Variants in KIF6 observed in about 807,000 individuals in gnomAD.
The protein encoded by KIF6 is kinesin-like protein KIF6.
A neutral mutation model predicts 112.7 loss-of-function variants in KIF6; 106 were observed. The ratio of observed to expected loss-of-function variants is 0.94; its 90% confidence interval spans 0.80 to 1.11. The LOEUF is 1.11. Among genes scored for constraint, KIF6 ranks in the 50% least tolerant of loss-of-function variants. The probability of loss-of-function intolerance (pLI) is 0.00; values close to 1 mark genes in which losing one functional copy is unlikely to be tolerated. For missense variants in KIF6, 929 were observed against 964.0 expected (o/e 0.96, Z 0.48); for synonymous variants, 339 against 339.9 (o/e 1.00, Z 0.03).
chr6:39,543,150 A>G (rs966888440), intron 12 of KIF6, among the ~76,000 whole-genome samples: 3 of 152,298 alleles, frequency 2.0e-5, no homozygotes, highest in African/African-American at 7.2e-5. Flanking sequence ...ATGCACAGAC[A>G]TTCATAAGCC....
rs192445749 is a variant in KIF6, at chr6:39,681,475, T to A, written c.251+33217A>T. ...GAGAATACTATTTACCTTAATGTTT[T>A]AAAAAAAAACTCTAGAATCTTTTCT... is the stretch of plus-strand genomic sequence containing the variant. On this transcript the variant is annotated intron_variant, in intron 3 of 22. Coordinates refer to ENST00000287152, the MANE Select transcript of KIF6 (RefSeq NM_145027.6). 1.6e-3 allele frequency among the ~76,000 whole-genome samples: 236 copies of A among 151,704 alleles called. 1 individual carries two copies. Among genetic ancestry groups the A allele is most frequent in the Non-Finnish European group, 2.5e-3 (168 of 67,818 alleles).
chr6:39,719,298 G>A (rs373256644), intron 2 of KIF6, among the ~76,000 whole-genome samples: 20 of 151,692 alleles, frequency 1.3e-4, no homozygotes, highest in East Asian at 9.8e-4. Flanking sequence ...CAGCCTGGGC[G>A]ACAGAGCAAA....
At chr6:39,508,568 C>T (rs1391816338) in intron 13 of KIF6, among the ~76,000 whole-genome samples, 1 of 152,128 alleles carries the variant, frequency 6.6e-6, no homozygotes, top group African/African-American at 2.4e-5. Flanking sequence ...CCTCCCGTGG[C>T]TGGCTCGGTG....
At chr6:39,642,386 G>T (rs894576556) in intron 3 of KIF6, among the ~76,000 whole-genome samples, 2 of 152,106 alleles carry the variant, frequency 1.3e-5, no homozygotes, top group Non-Finnish European at 2.9e-5. Flanking sequence ...CTCCATGGTA[G>T]CCTTCAAAAA....
chr6:39,531,657 C>A (rs1354858281), intron 13 of KIF6, among the ~76,000 whole-genome samples: 2 of 152,270 alleles, frequency 1.3e-5, no homozygotes, highest in Non-Finnish European at 2.9e-5. Context: ...CCAGGGAAGG[C>A]ACTCACGGTT....
intron 13 of KIF6, among the ~76,000 whole-genome samples, chr6:39,445,858 T>C (rs9471105): frequency 0.28 from 42,445 of 152,082 alleles, 8,301 homozygotes; most frequent in African/African-American, 0.55. Flanking sequence ...GGCAGGACCT[T>C]GGGGATTTCC....
chr6:39,634,087 T>C (rs1784492866), intron 5 of KIF6, among the ~76,000 whole-genome samples: 2 of 152,162 alleles, frequency 1.3e-5, no homozygotes. Flanking sequence ...AACAACTGAT[T>C]TGTAATCTTT....
At chr6:39,363,846 C>T (rs1765355832) in intron 16 of KIF6, among the ~76,000 whole-genome samples, 1 of 152,218 alleles carries the variant, frequency 6.6e-6, no homozygotes, top group South Asian at 2.1e-4. Flanking sequence ...CCTCGTATAA[C>T]ATTTCTGACA....
intron 13 of KIF6, among the ~76,000 whole-genome samples, chr6:39,535,921 G>A (rs193168104): frequency 8.6e-5 from 13 of 151,958 alleles, no homozygotes; most frequent in South Asian, 2.1e-4. Flanking sequence ...ACTCAAAACC[G>A]CTCAACTACA....
intron 7 of KIF6, among the ~76,000 whole-genome samples, chr6:39,590,450 TA>T (rs61047677): frequency 0.062 from 6,823 of 109,462 alleles, 275 homozygotes; most frequent in South Asian, 0.092. Context: ...TATATATATA[TA>T]TTTTTTTTTT....
chr6:39,695,313 C>T (rs553005305), intron 3 of KIF6, among the ~76,000 whole-genome samples: 2 of 151,830 alleles, frequency 1.3e-5, no homozygotes, highest in African/African-American at 2.4e-5. Context: ...CAAAAATTGA[C>T]GATTGAACTA....
At chr6:39,555,985 A>G (rs1385191391) in intron 10 of KIF6, among the ~76,000 whole-genome samples, 2 of 151,136 alleles carry the variant, frequency 1.3e-5, no homozygotes. Context: ...GAAGATTTAT[A>G]GTAATGAATG....
chr6:39,707,579 C>T (rs1315399272), intron 3 of KIF6, among the ~76,000 whole-genome samples: 1 of 152,218 alleles, frequency 6.6e-6, no homozygotes, highest in Non-Finnish European at 1.5e-5. Context: ...ATCTTCTCTT[C>T]AACTTTCAGA....
At chr6:39,429,714 G>A (rs7763524) in intron 14 of KIF6, among the ~76,000 whole-genome samples, 10 of 151,916 alleles carry the variant, frequency 6.6e-5, no homozygotes, top group Non-Finnish European at 1.2e-4. Context: ...TGAGACCATC[G>A]TGGCTAACAC....
intron 15 of KIF6, among the ~76,000 whole-genome samples, chr6:39,409,384 G>C (rs948260991): frequency 3.3e-5 from 5 of 152,192 alleles, no homozygotes; most frequent in African/African-American, 1.2e-4. Context: ...GAAACTGCCT[G>C]GGCTGGGCTT....
At chr6:39,550,320 C>G (rs1185762614) in intron 10 of KIF6, among the ~76,000 whole-genome samples, 2 of 152,064 alleles carry the variant, frequency 1.3e-5, no homozygotes, top group Non-Finnish European at 2.9e-5. Flanking sequence ...ATATTAGAAA[C>G]AAGAGCAAAC....
intron 19 of KIF6, among the ~76,000 whole-genome samples, chr6:39,356,666 C>T (rs1163595826): frequency 6.6e-6 from 1 of 152,190 alleles, no homozygotes; most frequent in Non-Finnish European, 1.5e-5. Context: ...GACGGAGGCC[C>T]CACACATACT....
intron 2 of KIF6, 138 bp from the exon 3 acceptor site, chr6:39,714,904 G>T (rs1789743892): frequency 1.6e-6 from 1 of 638,262 alleles, no homozygotes; most frequent in South Asian, 1.9e-5. Context: ...CACAATGTTT[G>T]CCCTGTAGTC....
At chr6:39,624,347 G>T (rs867711535) in intron 5 of KIF6, among the ~76,000 whole-genome samples, 7 of 152,096 alleles carry the variant, frequency 4.6e-5, no homozygotes, top group South Asian at 2.1e-4. Flanking sequence ...ACTCTCAAAA[G>T]GTTGTAATAA....
Sources: allele counts gnomAD v4.1 joint callset (sites outside exome capture counted in the v4.1 genomes callset), GRCh38; gene constraint gnomAD v4.1.1; transcripts MANE v1.5; gene names NCBI Gene and HGNC (gene_info 2026-07-23, HGNC 2026-07-21).